COQ8A: variants seen among roughly 807,000 people sequenced by gnomAD.
COQ8A encodes the protein coenzyme Q8A.
Under a neutral mutation model 65.0 loss-of-function variants are expected in COQ8A, and 51 were observed. That is an observed-to-expected ratio of 0.78 (90% CI 0.63 to 0.99). The LOEUF (loss-of-function observed/expected upper bound fraction) is 0.99. Among genes scored for constraint, COQ8A ranks in the 50% least tolerant of loss-of-function variants. COQ8A has a pLI of 0.00. For missense variants in COQ8A, 940 were observed against 875.0 expected, an observed-to-expected ratio of 1.07 and a Z score of -0.94; for synonymous variants, 371 against 353.2, an observed-to-expected ratio of 1.05 and a Z score of -0.57.
chr1:226,964,853 C>A, intron 2 of COQ8A, 147 bp from the exon 3 acceptor site: 1 of 886,356 alleles, frequency 1.1e-6, no homozygotes, highest in South Asian at 1.5e-5. Flanking sequence ...GGGAAGGGTG[C>A]CGGGCCTCAG....
chr1:226,960,755 T>C (rs976461563), intron 1 of COQ8A, among the ~76,000 whole-genome samples: 1 of 152,076 alleles, frequency 6.6e-6, no homozygotes, highest in Non-Finnish European at 1.5e-5. Flanking sequence ...GTTTGGTGAA[T>C]AGTTGAAGCT....
At chr1:226,956,273 CTCCCTGGCTT>C (rs1657749811) in intron 1 of COQ8A, among the ~76,000 whole-genome samples, 3 of 97,192 alleles carry the variant, frequency 3.1e-5, no homozygotes, top group African/African-American at 1.5e-4. Flanking sequence ...GGTTCACACT[CTCCCTGGCTT>C]CCACTCTCCC....
Position 226,984,612 on chromosome 1 carries a change from A to G in COQ8A, c.1463A>G (p.Asp488Gly). The G allele has an allele frequency of 1.2e-6, 2 of 1,613,978 alleles. No individual in the cohort carries two copies. Among genetic ancestry groups the G allele is most frequent in the Admixed American group, 1.7e-5 (1 of 60,020 alleles). ...ELFEFHFMQT[D>G]PNWSNFFYDP... ...TTCGAGTTCCACTTCATGCAAACAGACCCCAACTGGTCCAACTTCTTCTAT... is the reference window on the plus strand; with the variant it reads ...TTCGAGTTCCACTTCATGCAAACAGGCCCCAACTGGTCCAACTTCTTCTAT... The change falls in exon 12 of 15, where the codon GAC (aspartate) becomes GGC (glycine). Residue 488 changes from aspartate (D) to glycine (G), a missense_variant. By Grantham distance (94) the Asp-to-Gly change is moderately conservative. Transcript: ENST00000366777.
chr1:226,973,031 G>A (rs1658988593), intron 4 of COQ8A, among the ~76,000 whole-genome samples: 1 of 152,164 alleles, frequency 6.6e-6, no homozygotes, highest in African/African-American at 2.4e-5. Context: ...CCTTTGGCTG[G>A]GACCTTCAGG....
Position 226,982,146 on chromosome 1 carries a change from C to T in COQ8A, c.850C>T (p.Gln284Ter), listed in dbSNP as rs959109094. 6.3e-7 allele frequency: 1 copy of T among 1,591,382 alleles called. No homozygotes were observed. The highest frequency in any genetic ancestry group is 8.6e-7 in the Non-Finnish European group (1 of 1,169,392). Residue 284 changes from glutamine to a stop codon, truncating the protein, a stop_gained, in exon 6 of 15, where the codon CAG (glutamine) becomes TAG (stop). Transcript: ENST00000366777. LOFTEE classifies it high-confidence loss of function. ...CAAGCTGGGCCAGATGCTGAGCATC[C>T]AGGGTGAGTGGGCGCGGGGGCTGCT... ...ALKLGQMLSI[Q>*]DDAFINPHLA...
intron 2 of COQ8A, 105 bp downstream of exon 2, chr1:226,961,667 C>CTTTGG (rs1658262074): frequency 7.2e-7 from 1 of 1,398,252 alleles, no homozygotes; most frequent in Non-Finnish European, 9.6e-7. Flanking sequence ...CTTTGGTGGC[C>CTTTGG]AGGGCCTGAG....
rs984303676 is a variant in COQ8A, at chr1:226,965,603, A to G, written c.589-68A>G. On this transcript the variant is annotated intron_variant, in intron 3 of 14. Coordinates refer to ENST00000366777, the MANE Select transcript of COQ8A (RefSeq NM_020247.5). Reference sequence around the variant, plus strand: ...GGTGGAGAGGAGATGTGGGGGCAACAGGAGCCTCTGAAGGTTGGTCCTGTC... The same window carrying G: ...GGTGGAGAGGAGATGTGGGGGCAACGGGAGCCTCTGAAGGTTGGTCCTGTC... The G allele has an allele frequency of 1.9e-6, 3 of 1,575,418 alleles. No individual in the cohort carries two copies. In the African/African-American group the frequency reaches 4.0e-5, roughly 21 times the overall value.
At chr1:226,970,317 T>C (rs1658824142) in intron 4 of COQ8A, among the ~76,000 whole-genome samples, 1 of 152,238 alleles carries the variant, frequency 6.6e-6, no homozygotes, top group African/African-American at 2.4e-5. Flanking sequence ...CATCATTGTG[T>C]GAACATCATA....
chr1:226,965,249 G>T lies in COQ8A; in HGVS notation c.427G>T (p.Gly143Trp). ...CTCCTCCCCTCTGGGCAGGGCCAAC[G>T]GGAGGCTCTTTGCAAACCCCAGAGA... ...QASSPLGRAN[G>W]RLFANPRDSF... is the part of the protein sequence containing the mutation. The change falls in exon 3 of 15, where the codon GGG becomes TGG. Residue 143 changes from glycine to tryptophan, a missense_variant. By Grantham distance (184) the Gly-to-Trp change is radical (BLOSUM62 -2). Transcript: ENST00000366777. 6.2e-7 allele frequency: 1 copy of T among 1,613,992 alleles called. No individual in the cohort carries two copies. Among genetic ancestry groups the T allele is most frequent in the Non-Finnish European group, 8.5e-7 (1 of 1,180,018 alleles).
chr1:226,985,410 G>A, intron 14 of COQ8A, 70 bp downstream of exon 14: 1 of 1,558,456 alleles, frequency 6.4e-7, no homozygotes, highest in Non-Finnish European at 8.8e-7. Context: ...AAGAATGGAT[G>A]AAAGCACAGG....
intron 1 of COQ8A, among the ~76,000 whole-genome samples, chr1:226,944,527 A>C (rs1001576297): frequency 1.3e-5 from 2 of 151,574 alleles, no homozygotes; most frequent in African/African-American, 4.9e-5. Flanking sequence ...AGGGTCTGAG[A>C]GATGTGGCCA....
At chr1:226,959,231 T>C (rs534356606) in intron 1 of COQ8A, among the ~76,000 whole-genome samples, 1 of 152,282 alleles carries the variant, frequency 6.6e-6, no homozygotes, top group Admixed American at 6.5e-5. Context: ...TGTGAGAGCG[T>C]AGACTCCCTT....
chr1:226,940,986 T>C (rs566592810), intron 1 of COQ8A, among the ~76,000 whole-genome samples: 1 of 152,340 alleles, frequency 6.6e-6, no homozygotes, highest in South Asian at 2.1e-4. Context: ...GCCTTTCCTC[T>C]TCTCCAAACT....
chr1:226,952,082 C>G (rs1657422502), intron 1 of COQ8A, among the ~76,000 whole-genome samples: 3 of 152,190 alleles, frequency 2.0e-5, no homozygotes, highest in East Asian at 1.9e-4. Flanking sequence ...TCTTTTAACC[C>G]AGAGGCCAAC....
chr1:226,978,213 TTACACACCCTC>T (rs904602810), intron 5 of COQ8A, among the ~76,000 whole-genome samples: 6 of 97,442 alleles, frequency 6.2e-5, no homozygotes, highest in African/African-American at 1.9e-4. Flanking sequence ...GCACACCTCC[TTACACACCCTC>T]TACACACCCA....
Position 226,972,285 on chromosome 1 carries a change from A to C in COQ8A, c.656-5164A>C, listed in dbSNP as rs1483903319. Among the ~76,000 whole-genome samples the C allele has an allele frequency of 6.6e-6, 1 of 152,188 alleles. No homozygotes were observed. The highest frequency in any genetic ancestry group is 1.5e-5 in the Non-Finnish European group (1 of 68,036). ...GGAGAGAGGAAAAGGGGAGAGAGGA[A>C]GACAGGAAACAAAAAGTAAAGAAAG... On this transcript the variant is annotated intron_variant, in intron 4 of 14. Transcript: ENST00000366777. The surrounding 1 kb of genome is among the most constrained non-coding windows in gnomAD (Gnocchi z 4.3).
intron 5 of COQ8A, among the ~76,000 whole-genome samples, chr1:226,978,822 GCA>G (rs1659498855): frequency 2.5e-5 from 2 of 81,342 alleles, no homozygotes; most frequent in Non-Finnish European, 5.6e-5. Flanking sequence ...CACCCTCCAT[GCA>G]CACACCTCCT....
chr1:226,973,192 C>T (rs1658999516), intron 4 of COQ8A, among the ~76,000 whole-genome samples: 1 of 152,266 alleles, frequency 6.6e-6, no homozygotes, highest in African/African-American at 2.4e-5. Context: ...TGCCAGTGCT[C>T]TTCTGGGTCC....
chr1:226,960,499 G>A (rs1658166619), intron 1 of COQ8A, among the ~76,000 whole-genome samples: 2 of 150,968 alleles, frequency 1.3e-5, no homozygotes, highest in Non-Finnish European at 3.0e-5. Flanking sequence ...TGGTGGTGGT[G>A]GTGCTTGGTG....
Sources: allele counts gnomAD v4.1 joint callset (sites outside exome capture counted in the v4.1 genomes callset), GRCh38; gene constraint gnomAD v4.1.1; non-coding constraint Gnocchi (gnomAD v3.1); transcripts MANE v1.5; gene names NCBI Gene and HGNC (gene_info 2026-07-23, HGNC 2026-07-21).